The following FANCD2 variants were observed in gnomAD, a reference collection of about 807,000 sequenced individuals.
The protein encoded by FANCD2 is Fanconi anemia group D2 protein.
A neutral mutation model predicts 192.3 loss-of-function variants in FANCD2; 131 were observed. That is an observed-to-expected ratio of 0.68 (90% CI 0.59 to 0.79). The LOEUF is 0.79. Among genes scored for constraint, FANCD2 ranks in the 30% least tolerant of loss-of-function variants. The pLI, the probability that FANCD2 is intolerant of heterozygous loss-of-function variation, is 0.00. For synonymous variants in FANCD2, 524 were observed against 612.5 expected (o/e 0.86, Z 2.13); for missense variants, 1,508 against 1,701.6 (o/e 0.89, Z 2.00).
chr3:10,039,291 T>C lies in FANCD2; in HGVS notation c.504T>C (p.Asp168=). The change falls in exon 8 of 44, where the codon GAT becomes GAC. Residue 168 remains aspartate (D), a synonymous_variant. Transcript: ENST00000675286. ...CCTAACATTTTAGCAAGAACAGTGATGAAATCAACATACCTCGACTCATTG... is the reference window on the plus strand; with the variant it reads ...CCTAACATTTTAGCAAGAACAGTGACGAAATCAACATACCTCGACTCATTG... ...PEYFFENKNS[D]EINIPRLIVS... 6.2e-7 allele frequency: 1 copy of C among 1,613,536 alleles called. No individual in the cohort carries two copies. The highest frequency in any genetic ancestry group is 8.5e-7 in the Non-Finnish European group (1 of 1,179,560).
intron 3 of FANCD2, 136 bp downstream of exon 3, chr3:10,033,108 T>C: frequency 6.0e-6 from 5 of 831,778 alleles, no homozygotes; most frequent in Non-Finnish European, 7.8e-6. Flanking sequence ...TGAAATTGCT[T>C]TTTAGAAAAT....
intron 26 of FANCD2, 90 bp from the exon 27 acceptor site, chr3:10,072,781 T>C (rs1276932592): frequency 2.6e-6 from 2 of 781,486 alleles, no homozygotes; most frequent in South Asian, 1.4e-5. Context: ...TTTTGGAAAC[T>C]AGTTTTTAGC....
chr3:10,048,095 G>T (rs771401180), intron 16 of FANCD2, 44 bp downstream of exon 16: 4 of 1,613,116 alleles, frequency 2.5e-6, no homozygotes, highest in Non-Finnish European at 3.4e-6. Context: ...ACACAGAAAG[G>T]GAAAATAATC....
At position 10,101,648 on chromosome 3, in the gene FANCD2, G is replaced by T; in HGVS notation, c.*386G>T. 1 of 309,116 alleles carries T rather than the reference G, an allele frequency of 3.2e-6. No individual in the cohort carries two copies. The highest frequency in any genetic ancestry group is 2.1e-5 in the African/African-American group (1 of 46,610). 19.1% of individuals were successfully genotyped at this position (309,116 alleles called of 1,614,324 possible). On this transcript the variant is annotated 3_prime_UTR_variant, in exon 44 of 44. Coordinates refer to ENST00000675286, the MANE Select transcript of FANCD2 (RefSeq NM_001018115.3). ...TCCACCTGCCTCAGCCTCCCAAAGT[G>T]CTGGGATTACAGGCATGAGCCACCG...
intron 1 of FANCD2, 88 bp from the exon 2 acceptor site, chr3:10,028,537 G>A: frequency 1.2e-6 from 1 of 843,546 alleles, no homozygotes; most frequent in African/African-American, 1.7e-5. Flanking sequence ...CTCTGATTTT[G>A]GATAGAGCAG....
intron 43 of FANCD2, among the ~76,000 whole-genome samples, chr3:10,100,010 C>T (rs542795836): frequency 6.6e-6 from 1 of 151,606 alleles, no homozygotes; most frequent in Non-Finnish European, 1.5e-5. Flanking sequence ...AACCCGAGAC[C>T]CCATCTCTAC....
At chr3:10,034,048 G>C (rs1447988936) in intron 3 of FANCD2, among the ~76,000 whole-genome samples, 1 of 150,474 alleles carries the variant, frequency 6.6e-6, no homozygotes, top group Non-Finnish European at 1.5e-5. Context: ...CTCTGGGCTG[G>C]GCACAGTGGC....
At chr3:10,097,285 C>G (rs894057399) in intron 42 of FANCD2, among the ~76,000 whole-genome samples, 1 of 152,190 alleles carries the variant, frequency 6.6e-6, no homozygotes, top group Non-Finnish European at 1.5e-5. Flanking sequence ...ATCAACAGGT[C>G]TGACCAAAAT....
intron 26 of FANCD2, among the ~76,000 whole-genome samples, chr3:10,068,223 T>C (rs2087774452): frequency 6.6e-6 from 1 of 152,182 alleles, no homozygotes; most frequent in Non-Finnish European, 1.5e-5. Flanking sequence ...GCAGATGATA[T>C]GATCTTATAT....
At chr3:10,041,841 T>G in intron 10 of FANCD2, 131 bp downstream of exon 10, 5 of 630,004 alleles carry the variant, frequency 7.9e-6, no homozygotes, top group Non-Finnish European at 1.1e-5. Flanking sequence ...TTGATATCTC[T>G]CTTTTTTTTT....
chr3:10,039,760 C>T lies in FANCD2; in HGVS notation c.610C>T (p.Pro204Ser). 6.2e-7 allele frequency: 1 copy of T among 1,613,852 alleles called. No homozygotes were observed. The highest frequency in any genetic ancestry group is 8.5e-7 in the Non-Finnish European group (1 of 1,179,942). The change falls in exon 9 of 44, where the codon CCA becomes TCA. Residue 204 changes from proline (P) to serine (S), a missense_variant. Physicochemically the swap from Pro to Ser is moderately conservative, Grantham distance 74. Transcript: ENST00000675286. ...GATCATGCAGCTGATCAGTATTGCT[C>T]CAGAGAACCTGCAGCATGACATCAT... Reference protein sequence around the residue: ...TKIMQLISIAPENLQHDIITS... With the variant: ...TKIMQLISIASENLQHDIITS...
intron 15 of FANCD2, among the ~76,000 whole-genome samples, chr3:10,047,560 A>G (rs766436266): frequency 5.3e-5 from 8 of 152,268 alleles, no homozygotes; most frequent in Non-Finnish European, 1.2e-4. Flanking sequence ...CCTACTTCAA[A>G]TTATAACCAA....
chr3:10,049,608 A>G, intron 17 of FANCD2, 103 bp downstream of exon 17: 1 of 1,149,848 alleles, frequency 8.7e-7, no homozygotes, highest in African/African-American at 1.6e-5. Context: ...ATAAAAAGTG[A>G]CTATTCTATC....
chr3:10,073,056 C>A, intron 27 of FANCD2, 75 bp downstream of exon 27: 1 of 918,386 alleles, frequency 1.1e-6, no homozygotes, highest in Non-Finnish European at 1.8e-6. Flanking sequence ...TTATGTGTAT[C>A]ATGGCATCAG....
intron 18 of FANCD2, among the ~76,000 whole-genome samples, chr3:10,054,863 A>G (rs989460704): frequency 4.0e-4 from 61 of 151,772 alleles, no homozygotes; most frequent in African/African-American, 9.7e-4. Context: ...TAAAAAAAAA[A>G]CTTTTGGACT....
At chr3:10,046,055 C>CTTTTTTTTTTTT (rs57661428) in intron 14 of FANCD2, among the ~76,000 whole-genome samples, 14,669 of 122,376 alleles carry the variant, frequency 0.12, 1,628 homozygotes, top group African/African-American at 0.19. Context: ...GCTCTGTATT[C>CTTTTTTTTTTTT]TTTTTTTTTT....
At chr3:10,068,835 G>T (rs2087790460) in intron 26 of FANCD2, among the ~76,000 whole-genome samples, 1 of 152,212 alleles carries the variant, frequency 6.6e-6, no homozygotes, top group South Asian at 2.1e-4. Flanking sequence ...CCAGAAATAA[G>T]TCCATACACC....
rs55719769 is a variant in FANCD2, at chr3:10,054,473, A to AT, written c.1656+2004dup. ...TATATATATATATATATATATATAT[A>AT]TTTTTTTTTTTTTTTTTTTTTTTTT... is the stretch of plus-strand genomic sequence containing the variant. On this transcript the variant is annotated intron_variant, in intron 18 of 43. Transcript: ENST00000675286. Among the ~76,000 whole-genome samples, 38 of 8,404 alleles carry AT rather than the reference A, an allele frequency of 4.5e-3. 4 individuals carry two copies. The highest frequency in any genetic ancestry group is 5.5e-3 in the African/African-American group (8 of 1,442). The allele number at this position is 8,404 out of a possible 152,430, so 5.5% of individuals were successfully genotyped here. A position where few individuals can be genotyped will look rare whatever the true frequency, so the allele number is the denominator to read the frequency against.
chr3:10,036,087 T>TTTTTTTTTTTTTTTTTTTG (rs1491505257), intron 6 of FANCD2, among the ~76,000 whole-genome samples, 200 bp from the exon 7 acceptor site: 1 of 121,808 alleles, frequency 8.2e-6, no homozygotes, highest in African/African-American at 3.8e-5. Flanking sequence ...TATACATTTC[T>TTTTTTTTTTTTTTTTTTTG]TTTTTTTTTT....
Sources: gnomAD v4.1 joint callset for allele counts (sites outside exome capture counted in the v4.1 genomes callset) on GRCh38, gnomAD v4.1.1 for gene constraint, MANE v1.5 for transcripts, NCBI Gene and HGNC (gene_info 2026-07-23, HGNC 2026-07-21) for gene names.